AGTPBP1: variants seen among roughly 807,000 people sequenced by gnomAD.
The protein encoded by AGTPBP1 is cytosolic carboxypeptidase 1.
A neutral mutation model predicts 143.9 loss-of-function variants in AGTPBP1; 70 were observed. That is an observed-to-expected ratio of 0.49 (90% confidence interval 0.40 to 0.59). AGTPBP1 has a LOEUF of 0.59. Ranked by LOEUF, AGTPBP1 falls within the 20% of genes least tolerant of loss-of-function variation. The pLI, the probability that AGTPBP1 is intolerant of heterozygous loss-of-function variation, is 0.00. For synonymous variants in AGTPBP1, 463 were observed against 500.2 expected (o/e 0.93, Z 0.99); for missense variants, 1,229 against 1,464.5 (o/e 0.84, Z 2.62).
the AGTPBP1 span, among the ~76,000 whole-genome samples, chr9:85,757,311 T>C: frequency 3.7e-4 from 57 of 152,246 alleles, no homozygotes; most frequent in East Asian, 1.7e-3. Context: ...GTGATCCGCC[T>C]GTCTTGGCCT....
At chr9:85,643,021 G>A (rs1275947556) in intron 12 of AGTPBP1, 78 bp from the exon 13 acceptor site, 2 of 908,180 alleles carry the variant, frequency 2.2e-6, no homozygotes. Context: ...GATTTAAAAT[G>A]TTCCAAGTTA....
At chr9:85,683,519 G>A (rs1442198522) in intron 3 of AGTPBP1, among the ~76,000 whole-genome samples, 1 of 152,092 alleles carries the variant, frequency 6.6e-6, no homozygotes, top group Non-Finnish European at 1.5e-5. Flanking sequence ...ATTCACCACT[G>A]TTTTGTTTAC....
Position 85,710,825 on chromosome 9 carries a change from A to G in AGTPBP1, c.32+1677T>C, listed in dbSNP as rs144174381. ...ATGAACAATGATCTAGTAATTTTAG[A>G]TAGTTTAGCTAATCAATAGAAATAG... is the stretch of plus-strand genomic sequence containing the variant. On this transcript the variant is annotated intron_variant, in intron 2 of 25. Transcript: ENST00000357081. 4.7e-4 allele frequency among the ~76,000 whole-genome samples: 72 copies of G among 152,326 alleles called. 1 individual carries two copies. The highest frequency in any genetic ancestry group is 1.6e-3 in the African/African-American group (67 of 41,586).
chr9:85,678,990 C>T (rs1023533136), intron 4 of AGTPBP1, among the ~76,000 whole-genome samples: 1 of 152,112 alleles, frequency 6.6e-6, no homozygotes, highest in Non-Finnish European at 1.5e-5. Context: ...TGTAACCAGT[C>T]ATCTACCCAT....
chr9:85,564,926 G>A (rs1447897207), intron 25 of AGTPBP1, among the ~76,000 whole-genome samples: 1 of 152,184 alleles, frequency 6.6e-6, no homozygotes, highest in Non-Finnish European at 1.5e-5. Context: ...TGAATTTTGG[G>A]ATGGGAACAG....
At chr9:85,609,576 C>T (rs148981767) in intron 17 of AGTPBP1, among the ~76,000 whole-genome samples, 321 of 152,224 alleles carry the variant, frequency 2.1e-3, no homozygotes, top group African/African-American at 7.2e-3. Flanking sequence ...CCACCGCGCC[C>T]GGCCAGATCT....
At chr9:85,706,245 G>A (rs1836988651) in intron 2 of AGTPBP1, among the ~76,000 whole-genome samples, 1 of 151,286 alleles carries the variant, frequency 6.6e-6, no homozygotes, top group Non-Finnish European at 1.5e-5. Flanking sequence ...AGGCACAATG[G>A]CTCACACCTG....
intron 3 of AGTPBP1, among the ~76,000 whole-genome samples, chr9:85,688,208 A>G (rs781103306): frequency 6.6e-6 from 1 of 151,992 alleles, no homozygotes. Context: ...CAAAACAGAG[A>G]AAGTCAATTA....
intron 1 of AGTPBP1, among the ~76,000 whole-genome samples, chr9:85,725,584 A>G (rs977855925): frequency 1.3e-4 from 20 of 152,154 alleles, no homozygotes; most frequent in African/African-American, 4.8e-4. Context: ...AAAGCTCTAC[A>G]AGTGTAATGG....
chr9:85,803,591 C>T, the AGTPBP1 span, among the ~76,000 whole-genome samples: 2 of 152,142 alleles, frequency 1.3e-5, no homozygotes, highest in Non-Finnish European at 2.9e-5. Context: ...CCACTGACCA[C>T]GTTTTGAGCA....
At chr9:85,750,791 G>A in the AGTPBP1 span, among the ~76,000 whole-genome samples, 1 of 152,288 alleles carries the variant, frequency 6.6e-6, no homozygotes, top group East Asian at 1.9e-4. Flanking sequence ...CTTCTGGTTT[G>A]GAGCATGGGG....
At chr9:85,699,492 C>T (rs1055252861) in intron 2 of AGTPBP1, among the ~76,000 whole-genome samples, 10 of 151,946 alleles carry the variant, frequency 6.6e-5, no homozygotes, top group Admixed American at 4.6e-4. Flanking sequence ...GATATAAAAC[C>T]TATATTCACA....
At chr9:85,575,901 C>T (rs1827867472) in intron 24 of AGTPBP1, among the ~76,000 whole-genome samples, 2 of 152,206 alleles carry the variant, frequency 1.3e-5, no homozygotes, top group Admixed American at 1.3e-4. Context: ...TACATTTGAA[C>T]ATTACTTTAT....
chr9:85,634,965 T>G (rs1215282256), intron 13 of AGTPBP1, among the ~76,000 whole-genome samples: 1 of 152,166 alleles, frequency 6.6e-6, no homozygotes, highest in Non-Finnish European at 1.5e-5. Context: ...AAAAAAAAAT[T>G]TCTAATGTGG....
rs1027765564 is a variant in AGTPBP1 at position 85,567,788 on chromosome 9, T to C, written c.3503+7527A>G. On this transcript the variant is annotated intron_variant, in intron 25 of 25. Transcript: ENST00000357081. ...AACATGAAAAAGCAGTTAAGAGATA[T>C]GCATGGAGAACAGACTGAGAAATTC... Among the ~76,000 whole-genome samples, 10 of 152,146 alleles carry C rather than the reference T, an allele frequency of 6.6e-5. No individual in the cohort carries two copies. In the East Asian group the frequency reaches 1.7e-3, roughly 26 times the overall value.
chr9:85,623,122 A>G (rs1046189356), intron 14 of AGTPBP1, among the ~76,000 whole-genome samples: 2 of 152,134 alleles, frequency 1.3e-5, no homozygotes, highest in Admixed American at 1.3e-4. Flanking sequence ...GACGGGCAGG[A>G]ACTGTGAAAA....
chr9:85,575,335 T>G lies in AGTPBP1; in HGVS notation c.3483A>C (p.Glu1161Asp). The part of the protein sequence containing the change: ...SLLDFENDLI[E>D]SSCKVTSPTT... ...CCTACCTAGTTACTTTGCAGCTTGA[T>G]TCAATTAAATCATTTTCAAAGTCAA... Residue 1161 changes from glutamate to aspartate, a missense_variant, in exon 25 of 26, where the codon GAA becomes GAC. Glu to Asp is a conservative substitution (Grantham distance 45). Transcript: ENST00000357081. 1 of 1,597,522 alleles carries G rather than the reference T, an allele frequency of 6.3e-7. No individual in the cohort carries two copies. The highest frequency in any genetic ancestry group is 8.5e-7 in the Non-Finnish European group (1 of 1,175,320).
intron 7 of AGTPBP1, among the ~76,000 whole-genome samples, chr9:85,671,811 T>C (rs1395167673): frequency 6.6e-6 from 1 of 152,168 alleles, no homozygotes; most frequent in East Asian, 1.9e-4. Flanking sequence ...GAGGTTCCCA[T>C]ACTAGTTATT....
At position 85,669,009 on chromosome 9, in the gene AGTPBP1, A is replaced by G. The variant is rs867676271; in HGVS notation, c.662+476T>C. Among the ~76,000 whole-genome samples, 94 of 61,858 alleles carry G rather than the reference A, an allele frequency of 1.5e-3. 1 individual carries two copies. Among genetic ancestry groups the G allele is most frequent in the Admixed American group, 5.6e-3 (31 of 5,572 alleles). The allele number at this position is 61,858 out of a possible 152,430, so 40.6% of individuals were successfully genotyped here. ...TGTGTGTGTGTGTGTGTGTGTGTGT[A>G]TACATACACACACACACACACACAC... On this transcript the variant is annotated intron_variant, in intron 8 of 25. Coordinates refer to ENST00000357081, the MANE Select transcript of AGTPBP1 (RefSeq NM_001330701.2).
Sources: allele counts gnomAD v4.1 joint callset (sites outside exome capture counted in the v4.1 genomes callset), GRCh38; gene constraint gnomAD v4.1.1; transcripts MANE v1.5; gene names NCBI Gene and HGNC (gene_info 2026-07-23, HGNC 2026-07-21).